The following CCDC148 variants were observed in gnomAD, a reference collection of about 807,000 sequenced individuals.
CCDC148 encodes coiled-coil domain-containing protein 148.
CCDC148 carries 89 observed loss-of-function variants against 85.7 expected under a neutral mutation model. The observed-to-expected ratio is 1.04, with a 90% confidence interval of 0.87 to 1.24. CCDC148 has a LOEUF of 1.24. Among genes scored for constraint, CCDC148 ranks in the 50% most tolerant of loss-of-function variants. The pLI, the probability that CCDC148 is intolerant of heterozygous loss-of-function variation, is 0.00. For missense variants in CCDC148, 692 were observed against 671.7 expected (o/e 1.03, Z -0.33); for synonymous variants, 230 against 213.9 (o/e 1.08, Z -0.66).
intron 9 of CCDC148, among the ~76,000 whole-genome samples, chr2:158,304,617 T>C (rs1453682468): frequency 1.3e-5 from 2 of 152,198 alleles, no homozygotes; most frequent in Non-Finnish European, 2.9e-5. Context: ...ATTGATGAAT[T>C]ATATTTCATT....
chr2:158,271,147 A>G (rs1322003630), intron 9 of CCDC148, among the ~76,000 whole-genome samples: 1 of 152,156 alleles, frequency 6.6e-6, no homozygotes, highest in Admixed American at 6.6e-5. Context: ...TCATCATCTA[A>G]TAGATTTAAT....
chr2:158,266,144 C>T (rs772906291), intron 9 of CCDC148, among the ~76,000 whole-genome samples: 34 of 152,134 alleles, frequency 2.2e-4, no homozygotes, highest in Non-Finnish European at 3.8e-4. Context: ...TGCCTCAAGC[C>T]TTTCATTGGC....
At chr2:158,423,131 A>G (rs944550884) in intron 1 of CCDC148, among the ~76,000 whole-genome samples, 45 of 152,336 alleles carry the variant, frequency 3.0e-4, no homozygotes, top group African/African-American at 1.0e-3. Flanking sequence ...GGAAGAATCA[A>G]TATCGTGAAA....
At chr2:158,406,629 T>TTTTTTG (rs1553518870) in intron 1 of CCDC148, among the ~76,000 whole-genome samples, 29 of 117,486 alleles carry the variant, frequency 2.5e-4, no homozygotes, top group Admixed American at 3.9e-4. Context: ...TTTTTTTTTT[T>TTTTTTG]TTTTTTTTTT....
intron 1 of CCDC148, among the ~76,000 whole-genome samples, chr2:158,422,060 A>G (rs1477309656): frequency 6.6e-6 from 1 of 152,236 alleles, no homozygotes; most frequent in African/African-American, 2.4e-5. Flanking sequence ...ATCCTTGAAT[A>G]GACCAATAAC....
chr2:158,399,454 A>T (rs982026250), intron 1 of CCDC148, among the ~76,000 whole-genome samples: 1 of 152,210 alleles, frequency 6.6e-6, no homozygotes, highest in Non-Finnish European at 1.5e-5. Context: ...CATCCCTGGG[A>T]TGCAAGGCTG....
At chr2:158,277,750 T>C (rs1006173878) in intron 9 of CCDC148, among the ~76,000 whole-genome samples, 1 of 152,106 alleles carries the variant, frequency 6.6e-6, no homozygotes, top group African/African-American at 2.4e-5. Context: ...GCGCCCGCCA[T>C]CATGCCCAGC....
rs540716057 is a variant in CCDC148, at chr2:158,212,107, A to G, written c.1370+8488T>C. ...TGCTAATTTGCAAAACATTTCTAAT[A>G]TACATATAAAATACAAAACAGACAG... On this transcript the variant is annotated intron_variant, in intron 11 of 13. Transcript: ENST00000283233. 1.8e-4 allele frequency among the ~76,000 whole-genome samples: 28 copies of G among 152,310 alleles called. No individual in the cohort carries two copies. The South Asian group carries it at 4.6e-3, about 25-fold the overall frequency.
rs540805115 is a variant in CCDC148 at position 158,286,848 on chromosome 2, G to C, written c.1110+22585C>G. 2.0e-5 allele frequency among the ~76,000 whole-genome samples: 3 copies of C among 152,290 alleles called. No homozygotes were observed. The East Asian group carries it at 5.8e-4, about 29-fold the overall frequency. ...AAAACAAGTCTAGGATTATGGGTCT[G>C]AGTATTAGAGGCAAAATAATAAAGC... is the stretch of plus-strand genomic sequence containing the variant. On this transcript the variant is annotated intron_variant, in intron 9 of 13. Coordinates refer to ENST00000283233, the MANE Select transcript of CCDC148 (RefSeq NM_138803.4).
intron 9 of CCDC148, among the ~76,000 whole-genome samples, chr2:158,288,076 G>T (rs749526187): frequency 3.3e-5 from 5 of 152,208 alleles, no homozygotes; most frequent in Non-Finnish European, 5.9e-5. Context: ...AGCCTGACCT[G>T]TACTTTGGCC....
intron 2 of CCDC148, among the ~76,000 whole-genome samples, chr2:158,352,970 C>T (rs532150599): frequency 4.7e-5 from 7 of 149,844 alleles, no homozygotes; most frequent in Admixed American, 2.7e-4. Context: ...CATATCCAGC[C>T]AAACTAAGCT....
intron 1 of CCDC148, among the ~76,000 whole-genome samples, chr2:158,451,625 CTCTTA>C (rs1688407464): frequency 6.6e-6 from 1 of 151,924 alleles, no homozygotes; most frequent in Non-Finnish European, 1.5e-5. Context: ...TCTCAAAGTT[CTCTTA>C]TCTTCAACTT....
intron 2 of CCDC148, among the ~76,000 whole-genome samples, chr2:158,355,480 T>C (rs1369036933): frequency 4.0e-5 from 6 of 151,590 alleles, no homozygotes; most frequent in African/African-American, 9.7e-5. Context: ...CCATTCACAA[T>C]TGCTTCAAAG....
chr2:158,287,530 C>G (rs951993690), intron 9 of CCDC148, among the ~76,000 whole-genome samples: 3 of 152,116 alleles, frequency 2.0e-5, no homozygotes, highest in Non-Finnish European at 4.4e-5. Flanking sequence ...GGGCTACAGG[C>G]CCCACACAAG....
At chr2:158,376,121 T>C (rs1553515523) in intron 1 of CCDC148, among the ~76,000 whole-genome samples, 1 of 152,138 alleles carries the variant, frequency 6.6e-6, no homozygotes, top group Non-Finnish European at 1.5e-5. Flanking sequence ...CCTATCAATA[T>C]AGACATAGGT....
rs561644473 is a variant in CCDC148 at position 158,441,879 on chromosome 2, A to G, written c.25+14536T>C. Among the ~76,000 whole-genome samples the G allele has an allele frequency of 8.5e-5, 13 of 152,202 alleles. No homozygotes were observed. The South Asian group carries it at 2.5e-3, about 29-fold the overall frequency. On this transcript the variant is annotated intron_variant, in intron 1 of 13. Transcript: ENST00000283233. Reference sequence around the variant, plus strand: ...TGAATTTTAACTTTTTACCAGCAAAAATCTTTTTATGTGCCTTCTTTTCAT... The same window carrying G: ...TGAATTTTAACTTTTTACCAGCAAAGATCTTTTTATGTGCCTTCTTTTCAT...
intron 11 of CCDC148, among the ~76,000 whole-genome samples, chr2:158,208,955 T>TA (rs373694914): frequency 6.6e-6 from 1 of 151,704 alleles, no homozygotes; most frequent in Non-Finnish European, 1.5e-5. Context: ...ATATATTTTT[T>TA]AAAAAAACCC....
chr2:158,303,858 C>T (rs1386875890), intron 9 of CCDC148, among the ~76,000 whole-genome samples: 2 of 152,156 alleles, frequency 1.3e-5, no homozygotes, highest in Non-Finnish European at 2.9e-5. Context: ...AACCTCTGCA[C>T]ATCTCAGCTT....
intron 1 of CCDC148, among the ~76,000 whole-genome samples, chr2:158,400,127 T>C (rs560385576): frequency 1.3e-5 from 2 of 152,210 alleles, no homozygotes; most frequent in South Asian, 2.1e-4. Flanking sequence ...AAAATGGCCA[T>C]ACCACCCAAG....
Sources: allele counts gnomAD v4.1 joint callset (sites outside exome capture counted in the v4.1 genomes callset), GRCh38; gene constraint gnomAD v4.1.1; transcripts MANE v1.5; gene names NCBI Gene and HGNC (gene_info 2026-07-23, HGNC 2026-07-21).